The following IGSF9B variants were observed in gnomAD, a reference collection of about 807,000 sequenced individuals.
IGSF9B encodes the protein protein turtle homolog B.
IGSF9B carries 48 observed loss-of-function variants against 143.7 expected under a neutral mutation model. That is an observed-to-expected ratio of 0.33 (90% CI 0.26 to 0.42). IGSF9B has a LOEUF of 0.42. Among genes scored for constraint, IGSF9B ranks in the 20% least tolerant of loss-of-function variants. The pLI, the probability that IGSF9B is intolerant of heterozygous loss-of-function variation, is 1.00. For synonymous variants in IGSF9B, 903 were observed against 833.1 expected, an observed-to-expected ratio of 1.08 and a Z score of -1.44; for missense variants, 1,706 against 1,980.0, an observed-to-expected ratio of 0.86 and a Z score of 2.63.
rs902666772 is a variant in IGSF9B at position 133,911,990 on chromosome 11, G to A, written c.4001C>T (p.Pro1334Leu). 9.8e-6 allele frequency: 15 copies of A among 1,530,642 alleles called. No homozygotes were observed. The highest frequency in any genetic ancestry group is 8.1e-5 in the Admixed American group (4 of 49,426). 94.8% of individuals were successfully genotyped at this position (1,530,642 alleles called of 1,614,324 possible). A position where few individuals can be genotyped will look rare whatever the true frequency, so the allele number is the denominator to read the frequency against. ...LPTSGTLPPA[P>L]GNAAAPERLE... The stretch of plus-strand genomic sequence containing the variant: ...CCTCTCAGGCGCAGCAGCGTTCCCG[G>A]GTGCAGGTGGAAGTGTTCTGGAAAG... The change falls in exon 19 of 20, where the codon CCC becomes CTC. Residue 1334 changes from proline (P) to leucine (L), a missense_variant. Pro to Leu is a moderately conservative substitution (Grantham distance 98). Coordinates refer to ENST00000533871, the MANE Select transcript of IGSF9B (RefSeq NM_001277285.4).
chr11:133,921,803 CCT>C (rs1278184261), intron 17 of IGSF9B, among the ~76,000 whole-genome samples: 1 of 152,162 alleles, frequency 6.6e-6, no homozygotes, highest in Admixed American at 6.5e-5. Context: ...GCTTCATTCC[CCT>C]CTTTTCAAGA....
intron 18 of IGSF9B, among the ~76,000 whole-genome samples, chr11:133,918,378 G>A (rs1202357221): frequency 6.6e-6 from 1 of 152,202 alleles, no homozygotes; most frequent in Non-Finnish European, 1.5e-5. Flanking sequence ...GAGGGAAGCA[G>A]GGAGGGGCAC....
chr11:133,911,135 C>T (rs1467501397), intron 19 of IGSF9B, among the ~76,000 whole-genome samples: 1 of 152,226 alleles, frequency 6.6e-6, no homozygotes, highest in African/African-American at 2.4e-5. Context: ...CAGCATTCTT[C>T]CTTGACAGAC....
Position 133,919,931 on chromosome 11 carries a change from C to A in IGSF9B, c.3794G>T (p.Gly1265Val). Residue 1265 changes from glycine (G) to valine (V), a missense_variant, in exon 18 of 20, where the codon GGG (glycine) becomes GTG (valine). Physicochemically the swap from Gly to Val is moderately radical, Grantham distance 109. Around this residue, in one of 7 missense-constraint regions of IGSF9B, gnomAD observed 880 missense variants for 762.9 expected, o/e 1.15. Coordinates refer to ENST00000533871, the MANE Select transcript of IGSF9B (RefSeq NM_001277285.4). Reference sequence around the variant, plus strand: ...CATGGCGGGCCGGTAGCTGGGACTCCCACTGCGGCTGCTCTGGGAGGGGGA... The same window carrying A: ...CATGGCGGGCCGGTAGCTGGGACTCACACTGCGGCTGCTCTGGGAGGGGGA... ...TGSPSQSSRS[G>V]SPSYRPAMGF... 1 of 1,555,974 alleles carries A rather than the reference C, an allele frequency of 6.4e-7. No homozygotes were observed. The highest frequency in any genetic ancestry group is 8.7e-7 in the Non-Finnish European group (1 of 1,149,920).
At chr11:133,952,414 G>A (rs1045607025) in intron 1 of IGSF9B, among the ~76,000 whole-genome samples, 2 of 152,198 alleles carry the variant, frequency 1.3e-5, no homozygotes, top group African/African-American at 4.8e-5. Context: ...AGAGTGGGAG[G>A]GGATATGAAG....
chr11:133,920,168 C>G lies in IGSF9B; in HGVS notation c.3557G>C (p.Arg1186Pro), dbSNP rs745481927. 2.0e-6 allele frequency: 3 copies of G among 1,508,492 alleles called. No homozygotes were observed. The allele number at this position is 1,508,492 out of a possible 1,614,324, so 93.4% of individuals were successfully genotyped here. Residue 1186 changes from arginine (R) to proline (P), a missense_variant, in exon 18 of 20, where the codon CGC becomes CCC. Physicochemically the swap from Arg to Pro is moderately radical, Grantham distance 103. Around this residue, in one of 7 missense-constraint regions of IGSF9B, gnomAD observed 880 missense variants for 762.9 expected, o/e 1.15. Transcript: ENST00000533871. Reference protein sequence around the residue: ...RPRPSPRQARRAEPSLHQVVL... With the variant: ...RPRPSPRQARPAEPSLHQVVL... ...CACTTGATGTAAACTGGGCTCGGCGCGCCTGGCCTGCCGAGGGCTAGGCCG... is the reference window on the plus strand; with the variant it reads ...CACTTGATGTAAACTGGGCTCGGCGGGCCTGGCCTGCCGAGGGCTAGGCCG...
At chr11:133,944,116 G>T in intron 3 of IGSF9B, 104 bp downstream of exon 3, 1 of 1,251,782 alleles carries the variant, frequency 8.0e-7, no homozygotes, top group Non-Finnish European at 1.1e-6. Context: ...CAGGGGGTGA[G>T]ATGCAGTTGG....
chr11:133,944,181 T>A, intron 3 of IGSF9B, 39 bp downstream of exon 3: 1 of 1,560,314 alleles, frequency 6.4e-7, no homozygotes, highest in Non-Finnish European at 8.7e-7. Context: ...CAGGCACCGT[T>A]GATGGTGAGG....
Position 133,905,362 on chromosome 11 carries a change from G to A in IGSF9B, c.*3707C>T, listed in dbSNP as rs1022448716. Among the ~76,000 whole-genome samples, 4 of 151,904 alleles carry A rather than the reference G, an allele frequency of 2.6e-5. No homozygotes were observed. Among genetic ancestry groups the A allele is most frequent in the Admixed American group, 6.6e-5 (1 of 15,250 alleles). ...CAGTGCCAAAGATGCTGGAGGCTCC[G>A]TGAAATCTGTTTCTCCCTAGAAGCT... is the stretch of plus-strand genomic sequence containing the variant. On this transcript the variant is annotated 3_prime_UTR_variant, in exon 20 of 20. Coordinates refer to ENST00000533871, the MANE Select transcript of IGSF9B (RefSeq NM_001277285.4). The surrounding 1 kb of genome is among the most constrained non-coding windows in gnomAD (Gnocchi z 4.0).
chr11:133,917,482 T>C (rs553903824), intron 18 of IGSF9B, among the ~76,000 whole-genome samples: 5 of 151,588 alleles, frequency 3.3e-5, no homozygotes, highest in African/African-American at 1.2e-4. Flanking sequence ...GAGGTCCTCC[T>C]AAGACCCTTT....
chr11:133,941,799 G>C (rs766864181), intron 3 of IGSF9B, among the ~76,000 whole-genome samples: 1 of 152,124 alleles, frequency 6.6e-6, no homozygotes, highest in Non-Finnish European at 1.5e-5. Flanking sequence ...CTGGGCTTCC[G>C]AGCACGCTTG....
intron 1 of IGSF9B, chr11:133,952,055 GA>G (rs1410696081): frequency 6.6e-6 from 3 of 455,652 alleles, no homozygotes; most frequent in Non-Finnish European, 1.3e-5. Flanking sequence ...GACCTTCTCA[GA>G]AAGGACAGTC....
intron 1 of IGSF9B, chr11:133,952,164 C>T: frequency 4.8e-6 from 2 of 413,324 alleles, no homozygotes; most frequent in South Asian, 3.3e-5. Context: ...CAAGAGAGAA[C>T]AGAAAAGCAG....
chr11:133,936,613 G>A (rs1016671434), intron 5 of IGSF9B, among the ~76,000 whole-genome samples: 3 of 152,188 alleles, frequency 2.0e-5, no homozygotes, highest in Non-Finnish European at 2.9e-5. Flanking sequence ...CAGCAGTCCT[G>A]GTGCTGGCTG....
Position 133,948,855 on chromosome 11 carries a change from T to A in IGSF9B, c.65-2597A>T, listed in dbSNP as rs746080303. Among the ~76,000 whole-genome samples the A allele has an allele frequency of 6.6e-5, 10 of 152,162 alleles. No homozygotes were observed. Among genetic ancestry groups the A allele is most frequent in the Non-Finnish European group, 1.3e-4 (9 of 68,020 alleles). The stretch of plus-strand genomic sequence containing the variant: ...CAGCAGGCACCTCCAACAGTGGAGT[T>A]TGCTCTGGTGAGCTGGCTTCCAGGT... On this transcript the variant is annotated intron_variant, in intron 1 of 19. Transcript: ENST00000533871. This position sits in a 1 kb window ranked among gnomAD's most constrained non-coding sequence, Gnocchi z 4.7.
chr11:133,956,505 C>T (rs867058609), intron 1 of IGSF9B, among the ~76,000 whole-genome samples, 186 bp downstream of exon 1: 2 of 124,332 alleles, frequency 1.6e-5, no homozygotes, highest in South Asian at 2.9e-4. Flanking sequence ...GCCCACGGCC[C>T]CCAGGCCCTC....
chr11:133,912,122 A>T, intron 18 of IGSF9B, 115 bp from the exon 19 acceptor site: 1 of 1,284,074 alleles, frequency 7.8e-7, no homozygotes, highest in Non-Finnish European at 1.1e-6. Context: ...TCAGTCCTAC[A>T]GAGCCCAAGG....
rs890682039 is a variant in IGSF9B at position 133,956,957 on chromosome 11, G to A, written c.-203C>T. ...CGCGCCTCCCCGGCCCCGGCGCAGC[G>A]GCACCTGCACTACTCGCCCGGGCGG... On this transcript the variant is annotated 5_prime_UTR_variant, in exon 1 of 20. Coordinates refer to ENST00000533871, the MANE Select transcript of IGSF9B (RefSeq NM_001277285.4). 5.3e-6 allele frequency: 2 copies of A among 376,240 alleles called. No homozygotes were observed. The highest frequency in any genetic ancestry group is 9.5e-6 in the Non-Finnish European group (2 of 210,740). The allele number at this position is 376,240 out of a possible 1,614,324, so 23.3% of individuals were successfully genotyped here. A position where few individuals can be genotyped will look rare whatever the true frequency, so the allele number is the denominator to read the frequency against.
chr11:133,942,842 T>C (rs1215212169), intron 3 of IGSF9B, among the ~76,000 whole-genome samples: 1 of 152,058 alleles, frequency 6.6e-6, no homozygotes, highest in East Asian at 1.9e-4. Flanking sequence ...CTTCAATCAG[T>C]CTCTTGGGAC....
Sources: allele counts gnomAD v4.1 joint callset (sites outside exome capture counted in the v4.1 genomes callset), GRCh38; gene constraint gnomAD v4.1.1; regional missense constraint gnomAD v4.1.1; non-coding constraint Gnocchi (gnomAD v3.1); transcripts MANE v1.5; gene names NCBI Gene and HGNC (gene_info 2026-07-23, HGNC 2026-07-21).